SEMA3A: variants seen among roughly 807,000 people sequenced by gnomAD.
SEMA3A encodes semaphorin 3A.
SEMA3A carries 29 observed loss-of-function variants against 97.9 expected under a neutral mutation model. The ratio of observed to expected loss-of-function variants is 0.30; its 90% CI spans 0.22 to 0.40. The LOEUF (loss-of-function observed/expected upper bound fraction) is 0.40, where lower values mean the gene tolerates loss of function less well. SEMA3A is among the 10% of genes least tolerant of loss of function. The pLI is 1.00. For missense variants in SEMA3A, 763 were observed against 951.3 expected (o/e 0.80, Z 2.60); for synonymous variants, 321 against 323.7 (o/e 0.99, Z 0.09).
intron 1 of SEMA3A, among the ~76,000 whole-genome samples, chr7:84,437,764 A>G (rs1805174644): frequency 6.6e-6 from 1 of 151,986 alleles, no homozygotes; most frequent in Admixed American, 6.6e-5. Flanking sequence ...AATATTTAAT[A>G]GAACATCAGA....
At chr7:84,173,294 G>A (rs1245635030) in intron 1 of SEMA3A, among the ~76,000 whole-genome samples, 2 of 152,012 alleles carry the variant, frequency 1.3e-5, no homozygotes, top group South Asian at 2.1e-4. Flanking sequence ...GGTGGCTCAC[G>A]TCCGTAATCC....
At chr7:84,065,839 G>T (rs1793463351) in intron 4 of SEMA3A, among the ~76,000 whole-genome samples, 2 of 151,890 alleles carry the variant, frequency 1.3e-5, no homozygotes, top group Admixed American at 1.3e-4. Flanking sequence ...TCTACCAGAG[G>T]TACGAGGAGG....
intron 5 of SEMA3A, 31 bp downstream of exon 5, chr7:84,060,434 C>T: frequency 7.4e-7 from 1 of 1,358,792 alleles, no homozygotes; most frequent in South Asian, 1.4e-5. Flanking sequence ...TTATAGAAAA[C>T]TCACTATTTA....
chr7:84,261,004 T>G (rs77914456), intron 3 of SEMA3A, among the ~76,000 whole-genome samples: 2,177 of 152,054 alleles, frequency 0.014, 144 homozygotes, highest in East Asian at 0.13. Flanking sequence ...AACATGCATT[T>G]CCTCCCTTTT....
At chr7:84,223,091 A>C (rs1798916450) in intron 3 of SEMA3A, among the ~76,000 whole-genome samples, 1 of 151,896 alleles carries the variant, frequency 6.6e-6, no homozygotes, top group Non-Finnish European at 1.5e-5. Flanking sequence ...GTGGACTAAG[A>C]AAAGATTTGC....
intron 4 of SEMA3A, among the ~76,000 whole-genome samples, chr7:84,067,202 G>C (rs940355701): frequency 6.6e-6 from 1 of 152,090 alleles, no homozygotes; most frequent in East Asian, 1.9e-4. Flanking sequence ...ATGGTGCTGG[G>C]AAAACTGGCT....
intron 2 of SEMA3A, among the ~76,000 whole-genome samples, chr7:84,358,003 T>C (rs1331853025): frequency 6.6e-6 from 1 of 152,178 alleles, no homozygotes; most frequent in Non-Finnish European, 1.5e-5. Flanking sequence ...TTCTTGTAAA[T>C]TTGTTTGAGT....
intron 12 of SEMA3A, among the ~76,000 whole-genome samples, chr7:83,991,423 T>A (rs1182919453): frequency 6.6e-6 from 1 of 151,200 alleles, no homozygotes; most frequent in Non-Finnish European, 1.5e-5. Flanking sequence ...TGCTTCCAGG[T>A]TTTGCCCATT....
chr7:84,153,849 A>AT (rs1403308476), intron 1 of SEMA3A, among the ~76,000 whole-genome samples: 3 of 152,116 alleles, frequency 2.0e-5, no homozygotes, highest in African/African-American at 7.2e-5. Flanking sequence ...TCCTATTTAC[A>AT]TAACACTATT....
chr7:84,179,007 A>T (rs1216926020), intron 1 of SEMA3A, among the ~76,000 whole-genome samples: 1 of 151,984 alleles, frequency 6.6e-6, no homozygotes, highest in Non-Finnish European at 1.5e-5. Context: ...TTCTTTTCAC[A>T]TAAAGACTTT....
intron 3 of SEMA3A, among the ~76,000 whole-genome samples, chr7:84,122,262 C>T (rs182026651): frequency 2.0e-5 from 3 of 151,992 alleles, no homozygotes; most frequent in East Asian, 1.9e-4. Flanking sequence ...AAAAAGTGGG[C>T]GAAGGATATG....
chr7:84,085,252 T>C (rs1008379854), intron 4 of SEMA3A, among the ~76,000 whole-genome samples: 9 of 151,868 alleles, frequency 5.9e-5, no homozygotes, highest in African/African-American at 2.2e-4. Context: ...TTTTTTTTTC[T>C]AACTGCATCA....
intron 1 of SEMA3A, among the ~76,000 whole-genome samples, chr7:84,446,240 C>T (rs1024005844): frequency 2.6e-5 from 4 of 152,172 alleles, no homozygotes; most frequent in African/African-American, 9.7e-5. Flanking sequence ...AGCATCAGCT[C>T]TGATATCTTC....
chr7:84,296,600 T>C (rs1175920044), intron 3 of SEMA3A, among the ~76,000 whole-genome samples: 1 of 152,164 alleles, frequency 6.6e-6, no homozygotes, highest in African/African-American at 2.4e-5. Context: ...AAATTTATTA[T>C]AAAACTGCAA....
intron 6 of SEMA3A, among the ~76,000 whole-genome samples, chr7:84,024,945 G>A (rs1791494807): frequency 6.6e-6 from 1 of 151,934 alleles, no homozygotes; most frequent in Non-Finnish European, 1.5e-5. Flanking sequence ...AAAGTAGCCG[G>A]GCATGGTGGT....
intron 3 of SEMA3A, among the ~76,000 whole-genome samples, chr7:84,300,270 T>C (rs1031197792): frequency 1.3e-5 from 2 of 151,974 alleles, no homozygotes; most frequent in South Asian, 2.1e-4. Context: ...TATATATACA[T>C]TTCATACACA....
At chr7:84,246,650 ACT>A (rs1253511908) in intron 3 of SEMA3A, among the ~76,000 whole-genome samples, 6 of 152,022 alleles carry the variant, frequency 3.9e-5, no homozygotes, top group Admixed American at 3.9e-4. Context: ...AAATTCTCAA[ACT>A]CTCTTTTTTT....
intron 3 of SEMA3A, among the ~76,000 whole-genome samples, chr7:84,216,051 G>C (rs1434886212): frequency 1.3e-5 from 2 of 152,106 alleles, no homozygotes; most frequent in African/African-American, 4.8e-5. Flanking sequence ...TGATTCCTCT[G>C]GTAGTAAAAA....
intron 4 of SEMA3A, among the ~76,000 whole-genome samples, chr7:84,071,268 A>T (rs1190836033): frequency 6.6e-6 from 1 of 152,070 alleles, no homozygotes; most frequent in Non-Finnish European, 1.5e-5. Flanking sequence ...ATTGAACAAC[A>T]CGTGTCCAAA....
Sources: allele counts gnomAD v4.1 joint callset (sites outside exome capture counted in the v4.1 genomes callset), GRCh38; gene constraint gnomAD v4.1.1; transcripts MANE v1.5; gene names NCBI Gene and HGNC (gene_info 2026-07-23, HGNC 2026-07-21).